TRANK1: variants seen among roughly 807,000 people sequenced by gnomAD.
TRANK1 encodes TPR and ankyrin repeat-containing protein 1.
TRANK1 carries 198 observed loss-of-function variants against 266.0 expected under a neutral mutation model. That is an observed-to-expected ratio of 0.74 (90% CI 0.66 to 0.84). The LOEUF is 0.84. Among genes scored for constraint, TRANK1 ranks in the 40% least tolerant of loss-of-function variants. The pLI is 0.00. For synonymous variants in TRANK1, 1,396 were observed against 1,384.1 expected, an observed-to-expected ratio of 1.01 and a Z score of -0.19; for missense variants, 3,326 against 3,634.6, an observed-to-expected ratio of 0.92 and a Z score of 2.18.
chr3:36,869,985 C>A (rs1235481824), intron 9 of TRANK1, among the ~76,000 whole-genome samples: 2 of 152,186 alleles, frequency 1.3e-5, no homozygotes, highest in Middle Eastern at 3.2e-3. Flanking sequence ...ATCTTAGAAA[C>A]AAAATGTATG....
intron 6 of TRANK1, 110 bp downstream of exon 6, chr3:36,892,791 G>A: frequency 3.1e-6 from 1 of 322,252 alleles, no homozygotes; most frequent in East Asian, 7.7e-5. Context: ...TCATGCCACT[G>A]CACTCCAGCC....
At chr3:36,943,140 C>G (rs2080520540) in intron 1 of TRANK1, among the ~76,000 whole-genome samples, 1 of 151,650 alleles carries the variant, frequency 6.6e-6, no homozygotes, top group Non-Finnish European at 1.5e-5. Context: ...TGCAGTGAGC[C>G]GAGATCGCCT....
rs756269621 is a variant in TRANK1, at chr3:36,857,807, CG to C, written c.1914del (p.Asn638LysfsTer12). ...TTGTTCCAGGCCAAGAGCAGAGAGT[CG>C]TTCTTCTTAATCCGGTGCCGTGCAT... ...GKDARHRIKK[N>X]DSLLLAWNKA... On this transcript the variant is annotated frameshift_variant, in exon 13 of 24. Coordinates refer to ENST00000645898, the MANE Select transcript of TRANK1 (RefSeq NM_001329998.2). LOFTEE classifies it high-confidence loss of function. This position sits in a 1 kb window ranked among gnomAD's most constrained non-coding sequence, Gnocchi z 4.3. 1 of 1,613,990 alleles carries C rather than the reference CG, an allele frequency of 6.2e-7. No individual in the cohort carries two copies. The highest frequency in any genetic ancestry group is 1.1e-5 in the South Asian group (1 of 91,086).
In TRANK1 at chr3:36,944,852, G is replaced by A. The variant is rs1354427425; in HGVS notation, c.-43C>T. On this transcript the variant is annotated 5_prime_UTR_variant, in exon 1 of 24. Transcript: ENST00000645898. ...CCGCACCAGGACCGCCGCCGCCTGGGGAAGCGCTTCCCTGTGGGCAGGGCG... is the reference window on the plus strand; with the variant it reads ...CCGCACCAGGACCGCCGCCGCCTGGAGAAGCGCTTCCCTGTGGGCAGGGCG... The A allele has an allele frequency of 2.1e-6, 3 of 1,440,240 alleles. No individual in the cohort carries two copies. Among genetic ancestry groups the A allele is most frequent in the African/African-American group, 1.5e-5 (1 of 67,186 alleles). 89.2% of individuals were successfully genotyped at this position (1,440,240 alleles called of 1,614,324 possible).
intron 1 of TRANK1, among the ~76,000 whole-genome samples, chr3:36,915,898 T>G (rs1277260232): frequency 6.6e-6 from 1 of 152,118 alleles, no homozygotes; most frequent in Non-Finnish European, 1.5e-5. Context: ...AGCTCTGAGC[T>G]TCACAGTTCA....
chr3:36,906,835 C>A (rs763744618), intron 2 of TRANK1, among the ~76,000 whole-genome samples: 10 of 152,218 alleles, frequency 6.6e-5, no homozygotes, highest in Admixed American at 2.0e-4. Context: ...AACTTCTGAT[C>A]TTCAGAATTG....
intron 2 of TRANK1, 138 bp downstream of exon 2, chr3:36,908,185 A>G: frequency 3.0e-6 from 3 of 1,010,594 alleles, no homozygotes; most frequent in Middle Eastern, 3.6e-4. Context: ...TAAGCTGACA[A>G]TGCAGAGAAG....
intron 1 of TRANK1, among the ~76,000 whole-genome samples, chr3:36,941,701 A>G (rs1474245119): frequency 1.3e-5 from 2 of 152,192 alleles, no homozygotes; most frequent in African/African-American, 4.8e-5. Context: ...AAACTTAACC[A>G]TTCTCCCCAT....
chr3:36,862,863 G>A lies in TRANK1; in HGVS notation c.1240+1456C>T, dbSNP rs138709356. Among the ~76,000 whole-genome samples, 80 of 152,312 alleles carry A rather than the reference G, an allele frequency of 5.3e-4. No individual in the cohort carries two copies. The East Asian group carries it at 0.015, about 28-fold the overall frequency. On this transcript the variant is annotated intron_variant, in intron 10 of 23. Transcript: ENST00000645898. ...GACATTGGTGAGCTCCCTGAAGCCA[G>A]CTGTACTTGAAGCCAGCCTGGCACT...
chr3:36,944,437 A>C (rs575646789), intron 1 of TRANK1, among the ~76,000 whole-genome samples: 128 of 152,274 alleles, frequency 8.4e-4, no homozygotes, highest in African/African-American at 2.9e-3. Context: ...GCTGGTCAGG[A>C]ACCTGTCGGC....
At chr3:36,838,306 C>T (rs879293569) in intron 20 of TRANK1, 66 bp downstream of exon 20, 17 of 1,592,458 alleles carry the variant, frequency 1.1e-5, no homozygotes, top group Non-Finnish European at 1.5e-5. Context: ...GAGGTCGAGC[C>T]TACCCCTCAA....
chr3:36,913,619 C>A (rs1022075280), intron 1 of TRANK1, among the ~76,000 whole-genome samples: 2 of 152,040 alleles, frequency 1.3e-5, no homozygotes, highest in African/African-American at 4.8e-5. Flanking sequence ...CTGGGGACTT[C>A]AATGTGTTTT....
intron 1 of TRANK1, among the ~76,000 whole-genome samples, chr3:36,932,098 A>G (rs1302407501): frequency 6.6e-6 from 1 of 152,236 alleles, no homozygotes. Flanking sequence ...ATTTGAGGTC[A>G]TTCTAATGAT....
At position 36,832,250 on chromosome 3, in the gene TRANK1, G is replaced by A. The variant is rs762023836; in HGVS notation, c.7333C>T (p.Leu2445Phe). 4 of 1,613,880 alleles carry A rather than the reference G, an allele frequency of 2.5e-6. No homozygotes were observed. The Admixed American group carries it at 6.7e-5, about 27-fold the overall frequency. The change falls in exon 22 of 24, where the codon CTC (leucine) becomes TTC (phenylalanine). Residue 2445 changes from leucine (L) to phenylalanine (F), a missense_variant. By Grantham distance (22) the Leu-to-Phe change is conservative. Transcript: ENST00000645898. ...ACTGTGTTTCCAATGCTGGGGATGAGTGGTTCTTTGCACCTCTTGATGAGG... is the reference window on the plus strand; with the variant it reads ...ACTGTGTTTCCAATGCTGGGGATGAATGGTTCTTTGCACCTCTTGATGAGG... ...NVLIKRCKEPLIPSIGNTVAL... is the reference protein window; with the variant it reads ...NVLIKRCKEPFIPSIGNTVAL...
intron 1 of TRANK1, among the ~76,000 whole-genome samples, chr3:36,923,256 A>AT (rs34869381): frequency 0.41 from 58,085 of 140,848 alleles, 12,348 homozygotes; most frequent in South Asian, 0.51. Flanking sequence ...GTCTTGGTAA[A>AT]TTTTTTTTTT....
At chr3:36,909,105 A>T (rs1023635311) in intron 1 of TRANK1, among the ~76,000 whole-genome samples, 38 of 152,164 alleles carry the variant, frequency 2.5e-4, no homozygotes, top group African/African-American at 8.0e-4. Context: ...TTCTTAAAAC[A>T]CTATAAAATA....
chr3:36,842,128 C>G (rs1175659330), intron 18 of TRANK1, among the ~76,000 whole-genome samples: 1 of 152,152 alleles, frequency 6.6e-6, no homozygotes, highest in Non-Finnish European at 1.5e-5. Flanking sequence ...CTGCTCAGGA[C>G]CACTAACACG....
At chr3:36,926,952 A>G (rs1308418099) in intron 1 of TRANK1, among the ~76,000 whole-genome samples, 1 of 152,192 alleles carries the variant, frequency 6.6e-6, no homozygotes, top group Non-Finnish European at 1.5e-5. Context: ...TGATTATACT[A>G]GTTTATTTGC....
intron 9 of TRANK1, among the ~76,000 whole-genome samples, chr3:36,867,277 G>A (rs906441393): frequency 1.3e-5 from 2 of 152,048 alleles, no homozygotes; most frequent in Non-Finnish European, 1.5e-5. Flanking sequence ...TTGTCTGCCT[G>A]ATAGAATCTT....
Sources: gnomAD v4.1 joint callset for allele counts (sites outside exome capture counted in the v4.1 genomes callset) on GRCh38, gnomAD v4.1.1 for gene constraint, Gnocchi (gnomAD v3.1) non-coding constraint, MANE v1.5 for transcripts, NCBI Gene and HGNC (gene_info 2026-07-23, HGNC 2026-07-21) for gene names.